INO80C: variants seen among roughly 807,000 people sequenced by gnomAD.
INO80C encodes the protein INO80 complex subunit C, also known as IES6 homolog.
INO80C carries 17 observed loss-of-function variants against 17.7 expected under a neutral mutation model. The ratio of observed to expected loss-of-function variants is 0.96; its 90% CI spans 0.66 to 1.44. INO80C has a LOEUF of 1.44. Ranked by LOEUF, INO80C falls within the 40% of genes most tolerant of loss-of-function variation. The pLI is 0.00. For missense variants in INO80C, 244 were observed against 245.0 expected, an observed-to-expected ratio of 1.00 and a Z score of 0.03; for synonymous variants, 96 against 95.8, an observed-to-expected ratio of 1.00 and a Z score of -0.01.
intron 1 of INO80C, among the ~76,000 whole-genome samples, chr18:35,481,168 G>A (rs1238875124): frequency 2.0e-5 from 3 of 152,176 alleles, no homozygotes; most frequent in Admixed American, 6.5e-5. Context: ...GAAGGAAAAC[G>A]GAAAAAAAGC....
At chr18:35,492,164 A>G (rs1354201327) in intron 1 of INO80C, among the ~76,000 whole-genome samples, 3 of 152,386 alleles carry the variant, frequency 2.0e-5, no homozygotes, top group African/African-American at 7.2e-5. Flanking sequence ...ATGTCAAGTT[A>G]TATCTATGTC....
chr18:35,478,222 A>C, intron 4 of INO80C, 60 bp downstream of exon 4: 1 of 1,261,312 alleles, frequency 7.9e-7, no homozygotes, highest in Non-Finnish European at 1.1e-6. Flanking sequence ...CACTTGTCTA[A>C]TTAGACATTA....
At position 35,468,379 on chromosome 18, in the gene INO80C, A is replaced by T; in HGVS notation, c.*232T>A. ...TTGTATCTTCTTGTCAAACACCTTT[A>T]CTTGAGGCAACAACTGAAGTATAAT... On this transcript the variant is annotated 3_prime_UTR_variant, in exon 5 of 5. Transcript: ENST00000334598. The T allele has an allele frequency of 7.3e-7, 1 of 1,366,716 alleles. No individual in the cohort carries two copies. The highest frequency in any genetic ancestry group is 9.4e-7 in the Non-Finnish European group (1 of 1,058,342). The allele number at this position is 1,366,716 out of a possible 1,614,324, so 84.7% of individuals were successfully genotyped here.
intron 1 of INO80C, chr18:35,487,402 G>C (rs1598747055): frequency 5.0e-6 from 2 of 399,676 alleles, no homozygotes; most frequent in South Asian, 3.6e-5. Flanking sequence ...ACGCGGCTGG[G>C]GAGGCCTCAC....
intron 4 of INO80C, among the ~76,000 whole-genome samples, chr18:35,469,156 AC>A (rs2045638967): frequency 6.6e-6 from 1 of 151,956 alleles, no homozygotes; most frequent in South Asian, 2.1e-4. Context: ...GCTGTGCTCC[AC>A]TTACCTCCAG....
chr18:35,481,955 C>T (rs2045814338), intron 1 of INO80C, among the ~76,000 whole-genome samples: 2 of 152,154 alleles, frequency 1.3e-5, no homozygotes, highest in South Asian at 4.1e-4. Context: ...AGTGTATTTG[C>T]ACACTACTCA....
intron 1 of INO80C, chr18:35,489,398 C>G: frequency 4.2e-6 from 1 of 237,264 alleles, no homozygotes; most frequent in Non-Finnish European, 8.5e-6. Context: ...TACATGGCAG[C>G]AGGCAAGAGA....
intron 3 of INO80C, 135 bp from the exon 4 acceptor site, chr18:35,478,484 G>GTTAATCTCCA: frequency 1.5e-6 from 1 of 687,630 alleles, no homozygotes; most frequent in Non-Finnish European, 2.4e-6. Context: ...AGAAGTCTCT[G>GTTAATCTCCA]GAGATTAACT....
intron 1 of INO80C, among the ~76,000 whole-genome samples, chr18:35,496,374 T>C (rs1331047606): frequency 6.6e-6 from 1 of 152,230 alleles, no homozygotes; most frequent in African/African-American, 2.4e-5. Context: ...TCCTGTATTA[T>C]TCCATTTATA....
intron 1 of INO80C, among the ~76,000 whole-genome samples, chr18:35,490,902 G>C (rs1022298774): frequency 6.6e-6 from 1 of 152,026 alleles, no homozygotes; most frequent in Admixed American, 6.6e-5. Flanking sequence ...CTAGGACTAC[G>C]GGTGCACACT....
intron 1 of INO80C, chr18:35,489,492 T>C (rs913775845): frequency 3.2e-5 from 5 of 156,236 alleles, no homozygotes; most frequent in African/African-American, 9.6e-5. Flanking sequence ...GAGAACAGTA[T>C]GGGAGAAACT....
chr18:35,497,390 G>T, intron 1 of INO80C: 4 of 1,094,180 alleles, frequency 3.7e-6, no homozygotes, highest in Non-Finnish European at 4.5e-6. Context: ...ACGAGGGGAA[G>T]ACACGCAAAT....
chr18:35,480,410 G>A (rs749071469), intron 2 of INO80C, 43 bp downstream of exon 2: 1 of 1,310,348 alleles, frequency 7.6e-7, no homozygotes, highest in East Asian at 2.3e-5. Context: ...AGGCTGAGGT[G>A]TGGCATTTGG....
At chr18:35,491,480 C>T (rs895457887) in intron 1 of INO80C, among the ~76,000 whole-genome samples, 34 of 152,166 alleles carry the variant, frequency 2.2e-4, no homozygotes, top group African/African-American at 8.0e-4. Context: ...GGAAGCCACC[C>T]TGGAGTGAAC....
At chr18:35,480,985 A>G (rs2144053526) in intron 1 of INO80C, among the ~76,000 whole-genome samples, 1 of 152,352 alleles carries the variant, frequency 6.6e-6, no homozygotes, top group Admixed American at 6.5e-5. Context: ...CCAGTTCTAA[A>G]GCCCTCATAA....
At chr18:35,491,667 CA>C (rs1413025901) in intron 1 of INO80C, among the ~76,000 whole-genome samples, 1 of 150,580 alleles carries the variant, frequency 6.6e-6, no homozygotes, top group Non-Finnish European at 1.5e-5. Context: ...TGTCTACTAA[CA>C]ACAGGATGAG....
chr18:35,484,773 T>C (rs927189070), intron 1 of INO80C, among the ~76,000 whole-genome samples: 12 of 152,176 alleles, frequency 7.9e-5, no homozygotes, highest in Non-Finnish European at 1.3e-4. Context: ...CCAGCACATA[T>C]ACTGAGAGAC....
intron 1 of INO80C, among the ~76,000 whole-genome samples, chr18:35,490,056 G>A (rs554906239): frequency 4.6e-5 from 7 of 152,130 alleles, no homozygotes; most frequent in Admixed American, 6.6e-5. Flanking sequence ...AGCTGCGAAT[G>A]AGCCAGAGGT....
intron 4 of INO80C, among the ~76,000 whole-genome samples, chr18:35,469,788 C>T (rs1205041337): frequency 6.6e-6 from 1 of 152,162 alleles, no homozygotes; most frequent in African/African-American, 2.4e-5. Context: ...AGACTGGCTC[C>T]TAGTGCAACG....
Sources: gnomAD v4.1 joint callset for allele counts (sites outside exome capture counted in the v4.1 genomes callset) on GRCh38, gnomAD v4.1.1 for gene constraint, MANE v1.5 for transcripts, NCBI Gene and HGNC (gene_info 2026-07-23, HGNC 2026-07-21) for gene names.